The following PARD3 variants were observed in gnomAD, a reference collection of about 807,000 sequenced individuals.
The protein encoded by PARD3 is par-3 family cell polarity regulator.
PARD3 carries 75 observed loss-of-function variants against 155.4 expected under a neutral mutation model. The ratio of observed to expected loss-of-function variants is 0.48; its 90% CI spans 0.40 to 0.58. The LOEUF (loss-of-function observed/expected upper bound fraction) is 0.58, where lower values mean the gene tolerates loss of function less well. Among genes scored for constraint, PARD3 ranks in the 20% least tolerant of loss-of-function variants. The pLI, the probability that PARD3 is intolerant of heterozygous loss-of-function variation, is 0.00. For missense variants in PARD3, 1,642 were observed against 1,721.7 expected, an observed-to-expected ratio of 0.95 and a Z score of 0.82; for synonymous variants, 576 against 610.5, an observed-to-expected ratio of 0.94 and a Z score of 0.83.
chr10:34,171,789 A>G (rs1304379404), intron 22 of PARD3, among the ~76,000 whole-genome samples: 3 of 151,752 alleles, frequency 2.0e-5, no homozygotes, highest in African/African-American at 7.3e-5. Flanking sequence ...GTTTCTACTA[A>G]AAATATAAAA....
intron 2 of PARD3, among the ~76,000 whole-genome samples, chr10:34,566,162 G>T (rs1356998700): frequency 2.6e-5 from 4 of 152,188 alleles, no homozygotes; most frequent in South Asian, 2.1e-4. Context: ...TTTCTATTTT[G>T]CAAGAAGTAT....
At chr10:34,802,737 G>A (rs930622499) in intron 1 of PARD3, among the ~76,000 whole-genome samples, 1 of 152,058 alleles carries the variant, frequency 6.6e-6, no homozygotes, top group Non-Finnish European at 1.5e-5. Flanking sequence ...CCCACATGTG[G>A]TGAAGTTCTA....
chr10:34,280,425 C>T (rs1956101457), intron 21 of PARD3, among the ~76,000 whole-genome samples: 1 of 152,112 alleles, frequency 6.6e-6, no homozygotes, highest in African/African-American at 2.4e-5. Context: ...TTATGGGTTT[C>T]TCCCAAATTT....
At chr10:34,429,247 AATG>A (rs1325954404) in intron 5 of PARD3, among the ~76,000 whole-genome samples, 5 of 152,268 alleles carry the variant, frequency 3.3e-5, no homozygotes, top group East Asian at 1.9e-4. Context: ...CATGAAATGA[AATG>A]ATATTTCATT....
intron 3 of PARD3, among the ~76,000 whole-genome samples, chr10:34,492,140 C>T (rs961503133): frequency 6.6e-6 from 1 of 152,172 alleles, no homozygotes; most frequent in Non-Finnish European, 1.5e-5. Flanking sequence ...TTTGATTTTA[C>T]AAAATGTATC....
intron 22 of PARD3, among the ~76,000 whole-genome samples, chr10:34,175,431 ATAAACT>A (rs1201607401): frequency 6.6e-6 from 1 of 152,236 alleles, no homozygotes; most frequent in Non-Finnish European, 1.5e-5. Context: ...GAAATTAAAA[ATAAACT>A]TAAATATGCT....
At chr10:34,628,502 T>C (rs2092097521) in intron 2 of PARD3, among the ~76,000 whole-genome samples, 1 of 152,344 alleles carries the variant, frequency 6.6e-6, no homozygotes, top group East Asian at 1.9e-4. Context: ...TCGCCAATGC[T>C]CAATGCTGTC....
chr10:34,205,348 C>G (rs1033315947), intron 22 of PARD3, among the ~76,000 whole-genome samples: 5 of 151,926 alleles, frequency 3.3e-5, no homozygotes. Flanking sequence ...TCCTATCTGG[C>G]CTAAATTCTC....
chr10:34,337,388 T>C lies in PARD3; in HGVS notation c.2447A>G (p.Gln816Arg). Reference sequence around the variant, plus strand: ...ACTCTGACGTCCAAATCCTTCTCGTTGAAAAGCAAGAACTGGATCAACATC... The same window carrying C: ...ACTCTGACGTCCAAATCCTTCTCGTCGAAAAGCAAGAACTGGATCAACATC... ...SPDVDPVLAFQREGFGRQSMS... is the reference protein window; with the variant it reads ...SPDVDPVLAFRREGFGRQSMS... Residue 816 changes from glutamine to arginine, a missense_variant, in exon 17 of 25, where the codon CAA (glutamine) becomes CGA (arginine). Physicochemically the swap from Gln to Arg is conservative, Grantham distance 43. This residue lies in a region of PARD3 where 1,529 missense variants were observed against 1,587.3 expected (regional missense o/e 0.96). Transcript: ENST00000374788. The C allele has an allele frequency of 2.5e-6, 4 of 1,602,916 alleles. No individual in the cohort carries two copies. Among genetic ancestry groups the C allele is most frequent in the Non-Finnish European group, 3.4e-6 (4 of 1,175,068 alleles).
chr10:34,671,116 A>G (rs2093603138), intron 2 of PARD3, among the ~76,000 whole-genome samples: 1 of 152,230 alleles, frequency 6.6e-6, no homozygotes, highest in South Asian at 2.1e-4. Flanking sequence ...CAGCCTTCAA[A>G]TCAAAAGAAA....
intron 14 of PARD3, 88 bp from the exon 15 acceptor site, chr10:34,348,203 G>T: frequency 8.5e-7 from 1 of 1,174,188 alleles, no homozygotes; most frequent in Non-Finnish European, 1.2e-6. Flanking sequence ...CTTGCCCGAG[G>T]CCTGTATCCA....
intron 20 of PARD3, among the ~76,000 whole-genome samples, chr10:34,286,452 C>T (rs954504166): frequency 6.6e-6 from 1 of 152,214 alleles, no homozygotes; most frequent in Non-Finnish European, 1.5e-5. Flanking sequence ...GGGTGATGGC[C>T]TCTCTCCTAA....
chr10:34,666,836 C>A (rs951441397), intron 2 of PARD3, among the ~76,000 whole-genome samples: 3 of 117,200 alleles, frequency 2.6e-5, no homozygotes, highest in African/African-American at 9.5e-5. Context: ...CACACACACA[C>A]AAACATACAT....
At chr10:34,462,422 C>A (rs568922171) in intron 4 of PARD3, among the ~76,000 whole-genome samples, 2 of 151,946 alleles carry the variant, frequency 1.3e-5, no homozygotes, top group African/African-American at 4.8e-5. Context: ...TCCAACAGAA[C>A]ATAAAGGGAA....
chr10:34,413,447 C>CTT lies in PARD3; in HGVS notation c.715-11532_715-11531dup, dbSNP rs11284199. On this transcript the variant is annotated intron_variant, in intron 5 of 24. Coordinates refer to ENST00000374788, the MANE Select transcript of PARD3 (RefSeq NM_001184785.2). ...TTAGCATTTCAAGGGCCAGCTCTAC[C>CTT]TTTTTTTTTTTTTTTCCACTTATTT... Among the ~76,000 whole-genome samples the CTT allele has an allele frequency of 3.4e-3, 497 of 144,108 alleles. 1 individual carries two copies. The highest frequency in any genetic ancestry group is 0.012 in the South Asian group (53 of 4,558). The allele number at this position is 144,108 out of a possible 152,430, so 94.5% of individuals were successfully genotyped here. A position where few individuals can be genotyped will look rare whatever the true frequency, so the allele number is the denominator to read the frequency against.
In PARD3 at chr10:34,738,767, GAA is replaced by G. The variant is rs550145917; in HGVS notation, c.121-42350_121-42349del. ...GACCCTGTCTTAAAAAAACAGGGCA[GAA>G]GAGGTCAGGGGGAGGATGGGTGACA... On this transcript the variant is annotated intron_variant, in intron 1 of 24. Transcript: ENST00000374788. 3.3e-5 allele frequency among the ~76,000 whole-genome samples: 5 copies of G among 152,210 alleles called. No individual in the cohort carries two copies. In the East Asian group the frequency reaches 9.7e-4, roughly 29 times the overall value.
chr10:34,215,309 G>C (rs1248824220), intron 22 of PARD3, among the ~76,000 whole-genome samples: 2 of 152,136 alleles, frequency 1.3e-5, no homozygotes, highest in African/African-American at 2.4e-5. Context: ...TACTGTATTT[G>C]AGGGATTTCC....
At chr10:34,609,918 A>G (rs1011660879) in intron 2 of PARD3, among the ~76,000 whole-genome samples, 4 of 152,234 alleles carry the variant, frequency 2.6e-5, no homozygotes, top group Non-Finnish European at 5.9e-5. Context: ...ATCATTTGAC[A>G]TTACCGTCAG....
chr10:34,529,927 G>A (rs1458119847), intron 2 of PARD3, among the ~76,000 whole-genome samples: 1 of 152,128 alleles, frequency 6.6e-6, no homozygotes, highest in African/African-American at 2.4e-5. Context: ...TAGAGACGGA[G>A]TTTCACAGTG....
Sources: allele counts gnomAD v4.1 joint callset (sites outside exome capture counted in the v4.1 genomes callset), GRCh38; gene constraint gnomAD v4.1.1; regional missense constraint gnomAD v4.1.1; transcripts MANE v1.5; gene names NCBI Gene and HGNC (gene_info 2026-07-23, HGNC 2026-07-21).